The following STON2 variants were observed in gnomAD, a reference collection of about 807,000 sequenced individuals.
STON2 encodes the protein stonin-2.
A neutral mutation model predicts 65.7 loss-of-function variants in STON2; 29 were observed. That is an observed-to-expected ratio of 0.44 (90% CI 0.33 to 0.60). The LOEUF (loss-of-function observed/expected upper bound fraction) is 0.60. STON2 is among the 20% of genes least tolerant of loss of function. STON2 has a pLI of 0.03. For missense variants in STON2, 1,054 were observed against 1,118.1 expected (o/e 0.94, Z 0.82); for synonymous variants, 404 against 414.2 (o/e 0.98, Z 0.30).
chr14:81,338,518 T>G (rs1897465011), intron 4 of STON2, among the ~76,000 whole-genome samples: 1 of 152,188 alleles, frequency 6.6e-6, no homozygotes, highest in Non-Finnish European at 1.5e-5. Flanking sequence ...ACAGTGTTTC[T>G]CTGAGTTCTG....
chr14:81,424,091 T>C (rs1391246835), intron 2 of STON2, among the ~76,000 whole-genome samples: 1 of 152,218 alleles, frequency 6.6e-6, no homozygotes, highest in Admixed American at 6.5e-5. Context: ...TGTGAGCAAA[T>C]GAGCACCTTT....
intron 4 of STON2, among the ~76,000 whole-genome samples, chr14:81,353,850 C>T (rs1353507667): frequency 6.6e-6 from 1 of 152,016 alleles, no homozygotes. Flanking sequence ...GCTCTGTGTA[C>T]TTGACAGTGG....
In STON2 at chr14:81,267,882, A is replaced by C. The variant is rs1894418547; in HGVS notation, c.*532T>G. On this transcript the variant is annotated 3_prime_UTR_variant, in exon 8 of 8. Coordinates refer to ENST00000614646, the MANE Select transcript of STON2 (RefSeq NM_001394390.1). ...TGAAAGCTTAACAGTTAAAGAATGG[A>C]GACACCTCAAAAAGGTCTAGTAAGA... 1.0e-6 allele frequency: 1 copy of C among 985,366 alleles called. No homozygotes were observed. Among genetic ancestry groups the C allele is most frequent in the Non-Finnish European group, 1.2e-6 (1 of 830,002 alleles). 61.0% of individuals were successfully genotyped at this position (985,366 alleles called of 1,614,324 possible).
chr14:81,307,570 G>T (rs1043599890), intron 5 of STON2, among the ~76,000 whole-genome samples: 2 of 152,192 alleles, frequency 1.3e-5, no homozygotes, highest in African/African-American at 4.8e-5. Flanking sequence ...AAATGAGAAA[G>T]AATTAATAGT....
In STON2 at chr14:81,270,674, T is replaced by C. The variant is rs868247494; in HGVS notation, c.2780A>G (p.Tyr927Cys). ...CCAGATGCTTCCCAAGGCTACCTGGTAGCTGTAGTGTGCAGAATAATTGAC... is the reference window on the plus strand; with the variant it reads ...CCAGATGCTTCCCAAGGCTACCTGGCAGCTGTAGTGTGCAGAATAATTGAC... The part of the protein sequence containing the change: ...KWVNYSAHYS[Y>C]QVEIEQKKSL... The change falls in exon 7 of 8, where the codon TAC becomes TGC. Residue 927 changes from tyrosine (Y) to cysteine (C), a missense_variant. Coordinates refer to ENST00000614646, the MANE Select transcript of STON2 (RefSeq NM_001394390.1). 1 of 1,614,178 alleles carries C rather than the reference T, an allele frequency of 6.2e-7. No homozygotes were observed. Among genetic ancestry groups the C allele is most frequent in the African/African-American group, 1.3e-5 (1 of 75,028 alleles).
intron 3 of STON2, among the ~76,000 whole-genome samples, chr14:81,372,550 CAAAAAAA>C (rs202208931): frequency 4.8e-4 from 46 of 95,898 alleles, no homozygotes; most frequent in Middle Eastern, 5.4e-3. Flanking sequence ...AACCCTATCT[CAAAAAAA>C]AAAAAAAAAA....
intron 3 of STON2, among the ~76,000 whole-genome samples, chr14:81,392,340 C>T (rs914721620): frequency 1.3e-5 from 2 of 152,090 alleles, no homozygotes; most frequent in African/African-American, 2.4e-5. Context: ...GATTTGGGCG[C>T]GGTCCGGAAG....
At chr14:81,387,984 C>G (rs1899901340) in intron 3 of STON2, among the ~76,000 whole-genome samples, 1 of 119,684 alleles carries the variant, frequency 8.4e-6, no homozygotes. Flanking sequence ...GAGTCTCACT[C>G]TGTCACCCAG....
intron 4 of STON2, among the ~76,000 whole-genome samples, chr14:81,351,972 C>T (rs750099317): frequency 7.6e-4 from 115 of 152,232 alleles, no homozygotes; most frequent in South Asian, 1.2e-3. Flanking sequence ...AAGCCTAGGA[C>T]GCCTTCTCAA....
intron 5 of STON2, among the ~76,000 whole-genome samples, chr14:81,310,524 G>C (rs917011881): frequency 6.6e-6 from 1 of 152,306 alleles, no homozygotes; most frequent in African/African-American, 2.4e-5. Context: ...TAAGGTTTAC[G>C]TAAGACTGAG....
chr14:81,309,319 T>A (rs1896332567), intron 5 of STON2, among the ~76,000 whole-genome samples: 1 of 152,052 alleles, frequency 6.6e-6, no homozygotes, highest in Non-Finnish European at 1.5e-5. Context: ...AAAAAGATAA[T>A]CTATAAAGAA....
rs553795291 is a variant in STON2 at position 81,382,154 on chromosome 14, C to T, written c.374-10969G>A. ...GAATCGCTTGAATCCGGGAGGCGGA[C>T]GTTGTAGTGAGCTGAGATCGTGCCA... On this transcript the variant is annotated intron_variant, in intron 3 of 7. Transcript: ENST00000614646. Among the ~76,000 whole-genome samples the T allele has an allele frequency of 3.3e-5, 5 of 151,694 alleles. No individual in the cohort carries two copies. In the South Asian group the frequency reaches 8.4e-4, roughly 25 times the overall value.
At chr14:81,427,809 C>G (rs1192337744) in intron 1 of STON2, among the ~76,000 whole-genome samples, 1 of 152,140 alleles carries the variant, frequency 6.6e-6, no homozygotes, top group Non-Finnish European at 1.5e-5. Flanking sequence ...TTTCCTCCTA[C>G]CAGGCATCTC....
rs1048660450 is a variant in STON2, at chr14:81,264,463, T to C, written c.*3951A>G. On this transcript the variant is annotated 3_prime_UTR_variant, in exon 8 of 8. Coordinates refer to ENST00000614646, the MANE Select transcript of STON2 (RefSeq NM_001394390.1). ...TTTCCTTTATTTCATGAGTATACGT[T>C]TGCCCTCCTGGCAAGCATTTAAGGT... 1.3e-5 allele frequency: 13 copies of C among 985,354 alleles called. No homozygotes were observed. Among genetic ancestry groups the C allele is most frequent in the Admixed American group, 1.2e-4 (2 of 16,268 alleles). 61.0% of individuals were successfully genotyped at this position (985,354 alleles called of 1,614,324 possible).
At position 81,413,082 on chromosome 14, in the gene STON2, C is replaced by G; in HGVS notation, c.-199+14020G>C. The G allele has an allele frequency of 7.5e-6, 8 of 1,069,910 alleles. 1 individual carries two copies. Among genetic ancestry groups the G allele is most frequent in the Non-Finnish European group, 8.3e-6 (6 of 720,404 alleles). The allele number at this position is 1,069,910 out of a possible 1,614,324, so 66.3% of individuals were successfully genotyped here. A position where few individuals can be genotyped will look rare whatever the true frequency, so the allele number is the denominator to read the frequency against. ...GAGAAATACAACAAAGAGAGGAACA[C>G]TGTGGCTCATATCAAGAAGGAATGT... On this transcript the variant is annotated intron_variant, in intron 2 of 8. Transcript: ENST00000553821.
chr14:81,342,670 G>A (rs1017263478), intron 4 of STON2, among the ~76,000 whole-genome samples: 7 of 152,114 alleles, frequency 4.6e-5, no homozygotes, highest in Admixed American at 3.9e-4. Flanking sequence ...CATGGTCCAC[G>A]CTTAGGTGCA....
chr14:81,428,572 A>C (rs111746509), intron 1 of STON2, among the ~76,000 whole-genome samples: 6 of 152,116 alleles, frequency 3.9e-5, no homozygotes, highest in African/African-American at 1.4e-4. Context: ...AAAACACAAA[A>C]ATTAGCCAGG....
upstream of STON2, among the ~76,000 whole-genome samples, chr14:81,401,620 A>C (rs1165038152): frequency 1.3e-5 from 2 of 152,178 alleles, no homozygotes; most frequent in Non-Finnish European, 2.9e-5. Flanking sequence ...CATTTTTAGA[A>C]TGTGAATCAT....
chr14:81,344,246 C>T lies in STON2; in HGVS notation c.572-20059G>A, dbSNP rs181106935. On this transcript the variant is annotated intron_variant, in intron 4 of 7. Coordinates refer to ENST00000614646, the MANE Select transcript of STON2 (RefSeq NM_001394390.1). The stretch of plus-strand genomic sequence containing the variant: ...TAATTTTTTCTGATTTTTAGATTAA[C>T]GTATACTTATTATAAATAACTCAAA... Among the ~76,000 whole-genome samples, 442 of 152,138 alleles carry T rather than the reference C, an allele frequency of 2.9e-3. 8 individuals carry two copies. The highest frequency in any genetic ancestry group is 0.028 in the Admixed American group (425 of 15,272).
Sources: gnomAD v4.1 joint callset for allele counts (sites outside exome capture counted in the v4.1 genomes callset) on GRCh38, gnomAD v4.1.1 for gene constraint, MANE v1.5 for transcripts, NCBI Gene and HGNC (gene_info 2026-07-23, HGNC 2026-07-21) for gene names.